The following PNKD variants were observed in gnomAD, a reference collection of about 807,000 sequenced individuals.
The protein encoded by PNKD is probable thioesterase PNKD.
Under a neutral mutation model 45.3 loss-of-function variants are expected in PNKD, and 36 were observed. The ratio of observed to expected loss-of-function variants is 0.80; its 90% confidence interval spans 0.61 to 1.05. The LOEUF is 1.05. PNKD is among the 50% of genes least tolerant of loss of function. The pLI is 0.00. For synonymous variants in PNKD, 197 were observed against 210.1 expected, an observed-to-expected ratio of 0.94 and a Z score of 0.54; for missense variants, 511 against 506.6, an observed-to-expected ratio of 1.01 and a Z score of -0.08.
chr2:218,278,286 C>T, intron 2 of PNKD: 1 of 611,618 alleles, frequency 1.6e-6, no homozygotes, highest in Non-Finnish European at 2.9e-6. Flanking sequence ...TGTTAACTGG[C>T]TAAAATGCTA....
intron 2 of PNKD, among the ~76,000 whole-genome samples, chr2:218,320,803 G>C (rs1693967281): frequency 6.6e-6 from 1 of 152,214 alleles, no homozygotes; most frequent in African/African-American, 2.4e-5. Context: ...AAGTAGTTAA[G>C]TATTCTAGGG....
chr2:218,276,246 G>A (rs1411718725), intron 2 of PNKD, among the ~76,000 whole-genome samples: 1 of 152,186 alleles, frequency 6.6e-6, no homozygotes, highest in Non-Finnish European at 1.5e-5. Context: ...TAAGACTGGT[G>A]ATATATCCAG....
In PNKD at chr2:218,340,966, C is replaced by T. The variant is rs566760315; in HGVS notation, c.524+180C>T. The T allele has an allele frequency of 3.1e-6, 2 of 652,512 alleles. No individual in the cohort carries two copies. Among genetic ancestry groups the T allele is most frequent in the Admixed American group, 4.7e-5 (2 of 42,792 alleles). The allele number at this position is 652,512 out of a possible 1,614,324, so 40.4% of individuals were successfully genotyped here. ...GGAGAGGGGACAGTCTCCCACCACT[C>T]CATTGATCAAGCTTCTGAAGCCCCA... On this transcript the variant is annotated intron_variant, in intron 5 of 9. Coordinates refer to ENST00000273077, the MANE Select transcript of PNKD (RefSeq NM_015488.5). This position sits in a 1 kb window ranked among gnomAD's most constrained non-coding sequence, Gnocchi z 4.2.
In PNKD at chr2:218,343,488, A is replaced by G. The variant is rs188451211; in HGVS notation, c.782-12A>G. Reference sequence around the variant, plus strand: ...CTGGCACCTTGTGACATACCCTCCAACCCCCACCCAGGGCGGACCTTTGAG... The same window carrying G: ...CTGGCACCTTGTGACATACCCTCCAGCCCCCACCCAGGGCGGACCTTTGAG... On this transcript the variant is annotated splice_polypyrimidine_tract_variant and intron_variant, in intron 7 of 9. Coordinates refer to ENST00000273077, the MANE Select transcript of PNKD (RefSeq NM_015488.5). 1 of 1,608,932 alleles carries G rather than the reference A, an allele frequency of 6.2e-7. No homozygotes were observed. The highest frequency in any genetic ancestry group is 8.5e-7 in the Non-Finnish European group (1 of 1,176,452).
intron 2 of PNKD, among the ~76,000 whole-genome samples, chr2:218,324,103 C>G (rs1694074202): frequency 6.6e-6 from 1 of 152,232 alleles, no homozygotes; most frequent in Non-Finnish European, 1.5e-5. Context: ...CCCGCTCACT[C>G]TGCCCTCCTG....
intron 2 of PNKD, among the ~76,000 whole-genome samples, chr2:218,334,971 A>G (rs1694444846): frequency 6.6e-6 from 1 of 151,960 alleles, no homozygotes; most frequent in African/African-American, 2.4e-5. Context: ...GCGAATCAAG[A>G]CATCTTCTCT....
chr2:218,283,785 A>C (rs2106219628), intron 2 of PNKD, among the ~76,000 whole-genome samples: 1 of 152,324 alleles, frequency 6.6e-6, no homozygotes, highest in Admixed American at 6.5e-5. Flanking sequence ...ATAAAAGTCC[A>C]GGTCTCTAAG....
At chr2:218,314,921 C>T (rs1332687071) in intron 2 of PNKD, among the ~76,000 whole-genome samples, 1 of 114,820 alleles carries the variant, frequency 8.7e-6, no homozygotes, top group African/African-American at 2.5e-5. Flanking sequence ...AACTCCTGGC[C>T]TCAAGTGATC....
At chr2:218,278,592 T>G in intron 2 of PNKD, 1 of 1,613,980 alleles carries the variant, frequency 6.2e-7, no homozygotes, top group Non-Finnish European at 8.5e-7. Context: ...GGGGAAGCAG[T>G]TCAGGCCCAA....
At chr2:218,281,130 T>TTTGTTTTG (rs1691911421) in intron 2 of PNKD, 1 of 117,356 alleles carries the variant, frequency 8.5e-6, no homozygotes, top group East Asian at 2.6e-4. Flanking sequence ...TTGTTTTTTG[T>TTTGTTTTG]TTTTTTTTTG....
chr2:218,318,450 T>C (rs1376672684), intron 2 of PNKD, among the ~76,000 whole-genome samples: 6 of 152,208 alleles, frequency 3.9e-5, no homozygotes, highest in Non-Finnish European at 8.8e-5. Flanking sequence ...ACCAGGCTTG[T>C]TCTGACTCCC....
At chr2:218,275,743 C>T in intron 2 of PNKD, 3 of 1,220,330 alleles carry the variant, frequency 2.5e-6, no homozygotes, top group Non-Finnish European at 3.4e-6. Context: ...CATTAACGCA[C>T]AGCATAACAT....
chr2:218,335,355 C>T (rs1284600343), intron 2 of PNKD, among the ~76,000 whole-genome samples: 1 of 151,912 alleles, frequency 6.6e-6, no homozygotes, highest in Non-Finnish European at 1.5e-5. Flanking sequence ...GTGTCGCATG[C>T]CTGTAATCCC....
chr2:218,336,372 C>T (rs1273333365), intron 2 of PNKD, among the ~76,000 whole-genome samples: 1 of 151,952 alleles, frequency 6.6e-6, no homozygotes, highest in Admixed American at 6.6e-5. Context: ...GGAATTTTAC[C>T]ATTTGCTTAA....
At position 218,277,933 on chromosome 2, in the gene PNKD, A is replaced by T. The variant is rs200464435; in HGVS notation, c.236+6384A>T. 33 of 1,613,974 alleles carry T rather than the reference A, an allele frequency of 2.0e-5. No homozygotes were observed. In the Admixed American group the frequency reaches 2.8e-4, roughly 14 times the overall value. ...ACCCTCCTGCCACCCTTCTAGACTT[A>T]CAAAAAGGGTCAGCAGAATGATGTT... On this transcript the variant is annotated intron_variant, in intron 2 of 9. Coordinates refer to ENST00000273077, the MANE Select transcript of PNKD (RefSeq NM_015488.5).
intron 6 of PNKD, 48 bp downstream of exon 6, chr2:218,341,674 C>A: frequency 7.5e-7 from 1 of 1,329,836 alleles, no homozygotes; most frequent in Non-Finnish European, 1.1e-6. Context: ...GGGCCCTTTC[C>A]CCCACCCCCA....
Position 218,344,962 on chromosome 2 carries a change from A to T in PNKD, c.1139A>T (p.Asp380Val), listed in dbSNP as rs771691112. 6.2e-7 allele frequency: 1 copy of T among 1,610,054 alleles called. No homozygotes were observed. Among genetic ancestry groups the T allele is most frequent in the East Asian group, 2.2e-5 (1 of 44,866 alleles). ...QLLEELRRLK[D>V]MHKSK ...CTGGAAGAGCTCCGCCGGCTGAAGG[A>T]TATGCACAAGAGCAAGTGATGCCCC... Residue 380 changes from aspartate (D) to valine (V), a missense_variant, in exon 10 of 10, where the codon GAT becomes GTT. Asp to Val is a radical substitution (Grantham distance 152). Coordinates refer to ENST00000273077, the MANE Select transcript of PNKD (RefSeq NM_015488.5).
chr2:218,309,327 G>A (rs893767333), intron 2 of PNKD, among the ~76,000 whole-genome samples: 1 of 146,218 alleles, frequency 6.8e-6, no homozygotes, highest in Admixed American at 7.0e-5. Context: ...GCTGAGGCAG[G>A]AGAATTGCTT....
intron 2 of PNKD, among the ~76,000 whole-genome samples, chr2:218,331,761 CCCAG>C (rs1207897921): frequency 6.6e-6 from 1 of 152,172 alleles, no homozygotes; most frequent in Non-Finnish European, 1.5e-5. Flanking sequence ...AGCCACCGCG[CCCAG>C]CCATGCTTTT....
Sources: gnomAD v4.1 joint callset for allele counts (sites outside exome capture counted in the v4.1 genomes callset) on GRCh38, gnomAD v4.1.1 for gene constraint, Gnocchi (gnomAD v3.1) non-coding constraint, MANE v1.5 for transcripts, NCBI Gene and HGNC (gene_info 2026-07-23, HGNC 2026-07-21) for gene names.